SUGCT: variants seen among roughly 807,000 people sequenced by gnomAD.
SUGCT encodes succinyl-CoA:glutarate-CoA transferase, also known as succinyl-CoA:glutarate CoA-transferase.
A neutral mutation model predicts 55.0 loss-of-function variants in SUGCT; 41 were observed. The ratio of observed to expected loss-of-function variants is 0.74; its 90% CI spans 0.58 to 0.97. SUGCT has a LOEUF of 0.97. Ranked by LOEUF, SUGCT falls within the 50% of genes least tolerant of loss-of-function variation. The pLI is 0.00. For missense variants in SUGCT, 568 were observed against 547.8 expected (o/e 1.04, Z -0.37); for synonymous variants, 187 against 200.4 (o/e 0.93, Z 0.56).
the SUGCT span, among the ~76,000 whole-genome samples, chr7:40,898,483 G>GGGGC: frequency 9.2e-6 from 1 of 108,370 alleles, no homozygotes; most frequent in South Asian, 4.8e-4. Context: ...GGGAGGTCGG[G>GGGGC]GGGGGGGGGG....
the SUGCT span, among the ~76,000 whole-genome samples, chr7:40,867,532 T>C: frequency 6.6e-6 from 1 of 152,134 alleles, no homozygotes; most frequent in Non-Finnish European, 1.5e-5. Flanking sequence ...ATAACTCCAG[T>C]AGGAGTTTTA....
intron 6 of SUGCT, among the ~76,000 whole-genome samples, chr7:40,229,890 G>A (rs1050687726): frequency 6.6e-6 from 1 of 150,926 alleles, no homozygotes; most frequent in Admixed American, 6.6e-5. Context: ...ACTAGAAAAT[G>A]AGTAGAGAAA....
At chr7:40,297,064 A>G (rs888036413) in intron 8 of SUGCT, among the ~76,000 whole-genome samples, 1 of 152,216 alleles carries the variant, frequency 6.6e-6, no homozygotes, top group African/African-American at 2.4e-5. Context: ...GGCAGTGCCC[A>G]TTACATAGTA....
intron 9 of SUGCT, among the ~76,000 whole-genome samples, chr7:40,339,235 C>T (rs1286914835): frequency 6.6e-6 from 1 of 152,168 alleles, no homozygotes; most frequent in Non-Finnish European, 1.5e-5. Context: ...TCTCAGTTCT[C>T]AAACTCTGTG....
intron 9 of SUGCT, among the ~76,000 whole-genome samples, chr7:40,395,093 A>T (rs1399702555): frequency 6.6e-6 from 1 of 152,076 alleles, no homozygotes; most frequent in African/African-American, 2.4e-5. Context: ...TTTTTATCTC[A>T]TAGGCCAGGT....
intron 4 of SUGCT, among the ~76,000 whole-genome samples, chr7:40,189,011 A>C (rs1288515760): frequency 6.6e-6 from 1 of 151,950 alleles, no homozygotes; most frequent in Non-Finnish European, 1.5e-5. Context: ...ATTTAAGAGG[A>C]TGATCTATGA....
intron 7 of SUGCT, among the ~76,000 whole-genome samples, chr7:40,248,880 G>A (rs1054884863): frequency 3.6e-4 from 49 of 136,480 alleles, no homozygotes; most frequent in African/African-American, 9.4e-4. Flanking sequence ...CAGCGCGCGC[G>A]CGCGCTCGCA....
At position 40,860,610 on chromosome 7, in the gene SUGCT, T is replaced by C; in HGVS notation, c.*131T>C. ...TTAGAGTAACTCCAGATTTCTTACATGGCATCTCCAGAATGGCTCTGGTAT... is the reference window on the plus strand; with the variant it reads ...TTAGAGTAACTCCAGATTTCTTACACGGCATCTCCAGAATGGCTCTGGTAT... On this transcript the variant is annotated 3_prime_UTR_variant, in exon 14 of 14. Transcript: ENST00000335693. The C allele has an allele frequency of 1.1e-6, 1 of 928,672 alleles. No individual in the cohort carries two copies. Among genetic ancestry groups the C allele is most frequent in the Non-Finnish European group, 1.5e-6 (1 of 657,954 alleles). 57.5% of individuals were successfully genotyped at this position (928,672 alleles called of 1,614,324 possible).
intron 13 of SUGCT, among the ~76,000 whole-genome samples, chr7:40,825,062 C>G (rs1339554762): frequency 6.6e-6 from 1 of 152,126 alleles, no homozygotes; most frequent in Non-Finnish European, 1.5e-5. Flanking sequence ...TATGTGGTCC[C>G]AGGGTTAGTG....
intron 13 of SUGCT, among the ~76,000 whole-genome samples, chr7:40,778,192 G>A (rs957713425): frequency 2.2e-4 from 34 of 152,086 alleles, no homozygotes; most frequent in African/African-American, 8.2e-4. Context: ...GTGGCCAGAG[G>A]TTGTAGAATT....
chr7:40,212,051 G>C (rs1304722077), intron 6 of SUGCT, among the ~76,000 whole-genome samples: 3 of 151,846 alleles, frequency 2.0e-5, no homozygotes, highest in African/African-American at 7.3e-5. Context: ...CTAGATCTGG[G>C]GCCTGCAGAC....
Position 40,316,760 on chromosome 7 carries a change from G to T in SUGCT, c.721G>T (p.Val241Leu), listed in dbSNP as rs1482256616. 1.3e-6 allele frequency: 2 copies of T among 1,587,490 alleles called. No homozygotes were observed. The highest frequency in any genetic ancestry group is 1.7e-6 in the Non-Finnish European group (2 of 1,164,058). The change falls in exon 9 of 14, where the codon GTG becomes TTG. Residue 241 changes from valine (V) to leucine (L), a missense_variant and splice_region_variant. Val to Leu is a conservative substitution (Grantham distance 32). Coordinates refer to ENST00000335693, the MANE Select transcript of SUGCT (RefSeq NM_001193313.2). Reference sequence around the variant, plus strand: ...ATTTATTTACTTTTTTTCCTGGTAGGTGGCGTGTTTGTCTCACATAGCTGC... The same window carrying T: ...ATTTATTTACTTTTTTTCCTGGTAGTTGGCGTGTTTGTCTCACATAGCTGC... ...FIDCNLLSSQ[V>L]ACLSHIAANY... is the part of the protein sequence containing the mutation.
At chr7:41,016,899 G>GGTTCTTT in the SUGCT span, among the ~76,000 whole-genome samples, 2 of 152,188 alleles carry the variant, frequency 1.3e-5, no homozygotes, top group Non-Finnish European at 2.9e-5. Context: ...GTGGAAATCA[G>GGTTCTTT]GTTCTTTCCT....
intron 1 of SUGCT, among the ~76,000 whole-genome samples, chr7:40,163,014 G>T (rs1392263538): frequency 6.6e-6 from 1 of 152,170 alleles, no homozygotes; most frequent in African/African-American, 2.4e-5. Flanking sequence ...TACATGTGTA[G>T]CTACACTATT....
At chr7:40,904,873 C>A in the SUGCT span, among the ~76,000 whole-genome samples, 1 of 152,132 alleles carries the variant, frequency 6.6e-6, no homozygotes, top group Non-Finnish European at 1.5e-5. Context: ...CTTTCACTTT[C>A]TACTTTGATA....
Position 40,657,480 on chromosome 7 carries a change from A to G in SUGCT, c.1090-91954A>G, listed in dbSNP as rs949238944. Among the ~76,000 whole-genome samples the G allele has an allele frequency of 3.3e-5, 5 of 151,508 alleles. No individual in the cohort carries two copies. In the South Asian group the frequency reaches 1.0e-3, roughly 32 times the overall value. ...TATCAAGTGCTCAGTCAGGCCCTGT[A>G]ACATTTAATTAGTAATCTCGTGAGG... On this transcript the variant is annotated intron_variant, in intron 12 of 13. Transcript: ENST00000335693.
chr7:40,580,847 T>C (rs1339945231), intron 12 of SUGCT, among the ~76,000 whole-genome samples: 1 of 152,222 alleles, frequency 6.6e-6, no homozygotes, highest in East Asian at 1.9e-4. Flanking sequence ...TGTATAGGTT[T>C]GTAGCCTAAG....
intron 7 of SUGCT, among the ~76,000 whole-genome samples, chr7:40,249,313 C>CTATCTATATCTATATATATATA (rs1324264789): frequency 6.3e-5 from 5 of 79,518 alleles, no homozygotes; most frequent in Non-Finnish European, 9.1e-5. Context: ...CACCAAAAAG[C>CTATCTATATCTATATATATATA]TATATATATA....
chr7:40,700,263 C>T (rs1785119345), intron 12 of SUGCT, among the ~76,000 whole-genome samples: 1 of 152,162 alleles, frequency 6.6e-6, no homozygotes, highest in South Asian at 2.1e-4. Context: ...CCTGCCTTTA[C>T]ATCTCCAGTC....
Sources: gnomAD v4.1 joint callset for allele counts (sites outside exome capture counted in the v4.1 genomes callset) on GRCh38, gnomAD v4.1.1 for gene constraint, MANE v1.5 for transcripts, NCBI Gene and HGNC (gene_info 2026-07-23, HGNC 2026-07-21) for gene names.